Variants in UPRT observed in about 807,000 individuals in gnomAD.
UPRT encodes the protein uracil phosphoribosyltransferase homolog.
Under a neutral mutation model 22.6 loss-of-function variants are expected in UPRT, and 5 were observed. That is an observed-to-expected ratio of 0.22 (90% CI 0.12 to 0.47). The LOEUF (loss-of-function observed/expected upper bound fraction) is 0.47. Among genes scored for constraint, UPRT ranks in the 20% least tolerant of loss-of-function variants. UPRT has a pLI of 0.99. For synonymous variants in UPRT, 77 were observed against 87.7 expected (o/e 0.88, Z 0.68); for missense variants, 181 against 239.9 (o/e 0.75, Z 1.62).
At chrX:75,285,144 A>G (rs979966110) in intron 1 of UPRT, among the ~76,000 whole-genome samples, 1 of 110,979 alleles carries the variant, frequency 9.0e-6, no homozygotes, top group Non-Finnish European at 1.9e-5. Flanking sequence ...TCTCACTCCC[A>G]CCATGCCCCC....
At chrX:75,272,294 A>ATG (rs1183050542), upstream of UPRT, among the ~76,000 whole-genome samples, 2 of 17,075 alleles carry the variant, frequency 1.2e-4, no homozygotes, top group Non-Finnish European at 3.6e-3. Context: ...ATACACATAT[A>ATG]TATGTGTATA....
intron 4 of UPRT, among the ~76,000 whole-genome samples, chrX:75,257,865 T>C (rs1438577387): frequency 4.5e-5 from 5 of 111,285 alleles, no homozygotes; most frequent in African/African-American, 6.5e-5. Context: ...AAGGGTGATT[T>C]CTGCATTTCC....
chrX:75,292,849 G>A (rs1416366274), intron 1 of UPRT, among the ~76,000 whole-genome samples: 1 of 111,287 alleles, frequency 9.0e-6, no homozygotes, highest in Non-Finnish European at 1.9e-5. Context: ...TTGACCAGAG[G>A]AAATGGACAG....
chrX:75,246,474 T>A (rs1302814152), intron 4 of UPRT, among the ~76,000 whole-genome samples: 1 of 110,901 alleles, frequency 9.0e-6, no homozygotes, highest in East Asian at 2.8e-4. Flanking sequence ...ATGGTGTATA[T>A]GTGCCACATT....
intron 4 of UPRT, among the ~76,000 whole-genome samples, chrX:75,249,359 G>A (rs2082519566): frequency 9.0e-6 from 1 of 111,555 alleles, no homozygotes; most frequent in South Asian, 3.8e-4. Context: ...AAGGGATGGA[G>A]GAAGATCTAC....
intron 4 of UPRT, among the ~76,000 whole-genome samples, chrX:75,205,383 CAAAAAAAAAAAAAAA>C (rs55819232): frequency 2.6e-5 from 1 of 38,147 alleles, no homozygotes; most frequent in Non-Finnish European, 4.0e-5. Flanking sequence ...GACTCCGTCT[CAAAAAAAAAAAAAAA>C]AAAAAAAAAA....
At chrX:75,188,598 A>G (rs774931833) in intron 4 of UPRT, among the ~76,000 whole-genome samples, 1 of 112,648 alleles carries the variant, frequency 8.9e-6, no homozygotes, top group South Asian at 3.7e-4. Flanking sequence ...AAGCCTGGGC[A>G]ATGGCGGGCG....
At chrX:75,164,262 C>T (rs2082207576) in intron 3 of UPRT, among the ~76,000 whole-genome samples, 1 of 112,014 alleles carries the variant, frequency 8.9e-6, no homozygotes, top group Non-Finnish European at 1.9e-5. Flanking sequence ...CTTGCCCTTT[C>T]ACCTTCTGCT....
Position 75,253,611 on chromosome X carries a change from G to A in UPRT, c.-446-37413G>A, listed in dbSNP as rs188619064. Among the ~76,000 whole-genome samples, 154 of 112,066 alleles carry A rather than the reference G, an allele frequency of 1.4e-3. 1 individual carries two copies. The highest frequency in any genetic ancestry group is 4.4e-3 in the African/African-American group (136 of 30,864). Reference sequence around the variant, plus strand: ...CTGACTCCGATGGACAGAGCAGTGCGTGGAGCCTCAGATCGTAAATTTTTC... The same window carrying A: ...CTGACTCCGATGGACAGAGCAGTGCATGGAGCCTCAGATCGTAAATTTTTC... On this transcript the variant is annotated intron_variant, in intron 4 of 13. Coordinates refer to the UPRT transcript ENST00000652605.
intron 1 of UPRT, among the ~76,000 whole-genome samples, chrX:75,275,448 AG>A (rs953191302): frequency 1.8e-4 from 20 of 111,544 alleles, no homozygotes; most frequent in African/African-American, 5.9e-4. Flanking sequence ...TTTTAGTGGC[AG>A]GGGTTGGGGG....
intron 4 of UPRT, among the ~76,000 whole-genome samples, chrX:75,190,746 A>C (rs2082312109): frequency 9.0e-6 from 1 of 111,374 alleles, no homozygotes; most frequent in Non-Finnish European, 1.9e-5. Flanking sequence ...CATCGCTGAT[A>C]CCCTTTCTTC....
intron 4 of UPRT, among the ~76,000 whole-genome samples, chrX:75,247,168 G>C (rs962324573): frequency 9.0e-6 from 1 of 111,519 alleles, no homozygotes; most frequent in Non-Finnish European, 1.9e-5. Flanking sequence ...CAGAAGATGG[G>C]TGATTTCTGC....
intron 4 of UPRT, among the ~76,000 whole-genome samples, chrX:75,267,717 A>T (rs183101624): frequency 2.0e-4 from 22 of 112,315 alleles, no homozygotes; most frequent in Non-Finnish European, 2.4e-4. Flanking sequence ...ACCAATGAGA[A>T]CAAAGACACA....
At chrX:75,221,479 T>G (rs1192249357) in intron 4 of UPRT, among the ~76,000 whole-genome samples, 1 of 111,477 alleles carries the variant, frequency 9.0e-6, no homozygotes, top group African/African-American at 3.3e-5. Flanking sequence ...TGAGGCTATT[T>G]TCTAGATCTC....
Position 75,303,730 on chromosome X carries a change from T to C in UPRT, c.*219T>C, listed in dbSNP as rs1020457667. On this transcript the variant is annotated 3_prime_UTR_variant, in exon 7 of 7. Coordinates refer to ENST00000373383, the MANE Select transcript of UPRT (RefSeq NM_145052.4). ...ATATGCAACTCTTACAAAACATAAATTTTAATAATATTCTAATGCAAATTA... is the reference window on the plus strand; with the variant it reads ...ATATGCAACTCTTACAAAACATAAACTTTAATAATATTCTAATGCAAATTA... The C allele has an allele frequency of 3.7e-6, 1 of 268,161 alleles. No individual in the cohort carries two copies. The allele number at this position is 268,161 out of a possible 1,213,427, so 22.1% of individuals were successfully genotyped here.
At chrX:75,224,383 C>G (rs1169104048) in intron 4 of UPRT, among the ~76,000 whole-genome samples, 1 of 110,991 alleles carries the variant, frequency 9.0e-6, no homozygotes, top group Non-Finnish European at 1.9e-5. Flanking sequence ...AATATTGGTA[C>G]TGCTCCCACA....
In UPRT at chrX:75,274,315, G is replaced by A; in HGVS notation, c.61G>A (p.Ala21Thr). ...CTGTCACAACCAGCAAGTAAACTCTGCCTCAACCCCAAGTCCCGAGCAGCT... is the reference window on the plus strand; with the variant it reads ...CTGTCACAACCAGCAAGTAAACTCTACCTCAACCCCAAGTCCCGAGCAGCT... Reference protein sequence around the residue: ...MPCHNQQVNSASTPSPEQLRP... With the variant: ...MPCHNQQVNSTSTPSPEQLRP... The change falls in exon 1 of 7, where the codon GCC becomes ACC. Residue 21 changes from alanine to threonine, a missense_variant. By Grantham distance (58) the Ala-to-Thr change is moderately conservative. Around this residue, in one of 2 missense-constraint regions of UPRT, gnomAD observed 111 missense variants for 102.8 expected, o/e 1.08. Transcript: ENST00000373383. 1 of 1,211,738 alleles carries A rather than the reference G, an allele frequency of 8.3e-7. No individual in the cohort carries two copies. Among genetic ancestry groups the A allele is most frequent in the Non-Finnish European group, 1.1e-6 (1 of 895,441 alleles).
intron 4 of UPRT, among the ~76,000 whole-genome samples, chrX:75,247,933 A>G (rs780235856): frequency 1.8e-5 from 2 of 112,105 alleles, no homozygotes; most frequent in African/African-American, 6.5e-5. Flanking sequence ...GCTGTTCTGC[A>G]GCCATTGTTG....
At chrX:75,169,892 T>C (rs1308828839) in intron 4 of UPRT, among the ~76,000 whole-genome samples, 1 of 111,746 alleles carries the variant, frequency 8.9e-6, no homozygotes, top group Non-Finnish European at 1.9e-5. Context: ...CACACTATTA[T>C]CATGTTGCTA....
Sources: gnomAD v4.1 joint callset for allele counts (sites outside exome capture counted in the v4.1 genomes callset) on GRCh38, gnomAD v4.1.1 for gene constraint, gnomAD v4.1.1 regional missense constraint, MANE v1.5 for transcripts, NCBI Gene and HGNC (gene_info 2026-07-23, HGNC 2026-07-21) for gene names.